Variants in CNTNAP2 observed in about 807,000 individuals in gnomAD.
CNTNAP2 encodes the protein contactin associated protein 2.
In CNTNAP2, 98 loss-of-function variants were observed where a neutral mutation model predicts 155.2. That is an observed-to-expected ratio of 0.63 (90% CI 0.54 to 0.75). The LOEUF is 0.75. Among genes scored for constraint, CNTNAP2 ranks in the 30% least tolerant of loss-of-function variants. The pLI is 0.00. For synonymous variants in CNTNAP2, 651 were observed against 631.2 expected (o/e 1.03, Z -0.47); for missense variants, 1,727 against 1,688.1 (o/e 1.02, Z -0.40).
intron 1 of CNTNAP2, among the ~76,000 whole-genome samples, chr7:146,278,456 T>C (rs142274791): frequency 1.2e-3 from 182 of 152,244 alleles, no homozygotes; most frequent in Non-Finnish European, 9.9e-4. Flanking sequence ...TTAAAAAATA[T>C]ATGTGAAAAT....
At chr7:148,194,492 CA>C (rs1315414271) in intron 18 of CNTNAP2, among the ~76,000 whole-genome samples, 1 of 152,054 alleles carries the variant, frequency 6.6e-6, no homozygotes. Flanking sequence ...GAAAAAGAAC[CA>C]GTAGGATAAG....
At chr7:146,669,658 C>G (rs1800262233) in intron 1 of CNTNAP2, among the ~76,000 whole-genome samples, 1 of 152,108 alleles carries the variant, frequency 6.6e-6, no homozygotes, top group Non-Finnish European at 1.5e-5. Context: ...TTTGGAGCAG[C>G]AGTGCTATAT....
At chr7:146,549,419 G>A (rs1473747889) in intron 1 of CNTNAP2, among the ~76,000 whole-genome samples, 1 of 151,898 alleles carries the variant, frequency 6.6e-6, no homozygotes, top group African/African-American at 2.4e-5. Flanking sequence ...TTAAATATCT[G>A]TACTGTAAGG....
At chr7:146,495,127 T>C (rs953338237) in intron 1 of CNTNAP2, among the ~76,000 whole-genome samples, 10 of 152,186 alleles carry the variant, frequency 6.6e-5, no homozygotes, top group Admixed American at 1.3e-4. Context: ...GTCAAATCTG[T>C]GATAAGCCTG....
rs191046881 is a variant in CNTNAP2 at position 146,201,154 on chromosome 7, T to C, written c.97+84181T>C. ...AAGGGGAATGCAATTTTTCTTATGG[T>C]ATCAATGAGTGAGAACATACAAATA... On this transcript the variant is annotated intron_variant, in intron 1 of 23. Coordinates refer to ENST00000361727, the MANE Select transcript of CNTNAP2 (RefSeq NM_014141.6). 1.7e-3 allele frequency among the ~76,000 whole-genome samples: 261 copies of C among 152,158 alleles called. 2 individuals are homozygous for C. The highest frequency in any genetic ancestry group is 5.9e-3 in the African/African-American group (245 of 41,514).
At chr7:147,348,198 A>G (rs1319963637) in intron 9 of CNTNAP2, among the ~76,000 whole-genome samples, 3 of 152,108 alleles carry the variant, frequency 2.0e-5, no homozygotes, top group African/African-American at 7.2e-5. Flanking sequence ...TCTGCACAAC[A>G]AAGGACATAA....
intron 13 of CNTNAP2, among the ~76,000 whole-genome samples, chr7:147,812,739 C>T (rs1346483406): frequency 6.6e-6 from 1 of 152,140 alleles, no homozygotes; most frequent in Non-Finnish European, 1.5e-5. Context: ...TGACAATATA[C>T]TTCTTTTTAA....
At chr7:147,061,282 G>A (rs1380563393) in intron 4 of CNTNAP2, among the ~76,000 whole-genome samples, 1 of 151,372 alleles carries the variant, frequency 6.6e-6, no homozygotes, top group Non-Finnish European at 1.5e-5. Flanking sequence ...TTTTACCATT[G>A]TAAAATAAAA....
chr7:148,015,950 T>C (rs1174122618), intron 15 of CNTNAP2, among the ~76,000 whole-genome samples: 2 of 152,198 alleles, frequency 1.3e-5, no homozygotes, highest in African/African-American at 2.4e-5. Context: ...TTTATCCAAA[T>C]CCATGGAATC....
At chr7:146,850,406 C>A (rs1329053794) in intron 3 of CNTNAP2, among the ~76,000 whole-genome samples, 1 of 152,128 alleles carries the variant, frequency 6.6e-6, no homozygotes, top group Non-Finnish European at 1.5e-5. Flanking sequence ...GTGAAAACTC[C>A]TGTGATTTAG....
At chr7:146,644,701 A>G (rs1449064414) in intron 1 of CNTNAP2, among the ~76,000 whole-genome samples, 3 of 152,180 alleles carry the variant, frequency 2.0e-5, no homozygotes. Context: ...TACTACAAAC[A>G]CCTCTACACA....
chr7:146,953,943 G>C (rs970428055), intron 3 of CNTNAP2, among the ~76,000 whole-genome samples: 23 of 151,892 alleles, frequency 1.5e-4, no homozygotes, highest in African/African-American at 5.6e-4. Context: ...AAAGGCAGTA[G>C]GGCACACCTA....
At chr7:146,166,688 A>G (rs1370673837) in intron 1 of CNTNAP2, among the ~76,000 whole-genome samples, 1 of 152,246 alleles carries the variant, frequency 6.6e-6, no homozygotes, top group African/African-American at 2.4e-5. Flanking sequence ...ACTTACTATG[A>G]ATACTTAAAT....
intron 16 of CNTNAP2, among the ~76,000 whole-genome samples, chr7:148,121,503 TA>T (rs1163658643): frequency 3.3e-5 from 5 of 152,224 alleles, no homozygotes; most frequent in African/African-American, 7.2e-5. Flanking sequence ...ATTCTGAAGT[TA>T]AACTCTTTAG....
chr7:147,267,913 G>A (rs941114685), intron 8 of CNTNAP2, among the ~76,000 whole-genome samples: 3 of 152,176 alleles, frequency 2.0e-5, no homozygotes, highest in Non-Finnish European at 4.4e-5. Flanking sequence ...CCCAAGGGAA[G>A]TCTGGAGTAG....
At chr7:146,767,387 G>A (rs1038575471) in intron 1 of CNTNAP2, among the ~76,000 whole-genome samples, 2 of 145,492 alleles carry the variant, frequency 1.4e-5, no homozygotes, top group Non-Finnish European at 2.9e-5. Flanking sequence ...GATTGTAAAT[G>A]TTTTTTGTTT....
intron 13 of CNTNAP2, among the ~76,000 whole-genome samples, chr7:147,765,834 G>A (rs548231775): frequency 6.6e-6 from 1 of 152,142 alleles, no homozygotes; most frequent in East Asian, 1.9e-4. Context: ...AATCAACATG[G>A]AAATGAATAA....
At chr7:147,160,797 C>G (rs1016130766) in intron 8 of CNTNAP2, among the ~76,000 whole-genome samples, 1 of 151,978 alleles carries the variant, frequency 6.6e-6, no homozygotes, top group African/African-American at 2.4e-5. Flanking sequence ...AAAGTAATGC[C>G]ATCAATAGAC....
intron 11 of CNTNAP2, among the ~76,000 whole-genome samples, chr7:147,561,717 G>A (rs1800067949): frequency 6.6e-6 from 1 of 152,144 alleles, no homozygotes; most frequent in Non-Finnish European, 1.5e-5. Flanking sequence ...GTGTGCACAA[G>A]AGAGAGGCAG....
Sources: gnomAD v4.1 joint callset for allele counts (sites outside exome capture counted in the v4.1 genomes callset) on GRCh38, gnomAD v4.1.1 for gene constraint, MANE v1.5 for transcripts, NCBI Gene and HGNC (gene_info 2026-07-23, HGNC 2026-07-21) for gene names.